Variants in MCC observed in about 807,000 individuals in gnomAD.
MCC encodes the protein colorectal mutant cancer protein.
MCC carries 90 observed loss-of-function variants against 116.2 expected under a neutral mutation model. That is an observed-to-expected ratio of 0.77 (90% CI 0.65 to 0.92). MCC has a LOEUF of 0.92. MCC is among the 40% of genes least tolerant of loss of function. The pLI, the probability that MCC is intolerant of heterozygous loss-of-function variation, is 0.00. For missense variants in MCC, 1,516 were observed against 1,312.2 expected, an observed-to-expected ratio of 1.16 and a Z score of -2.40; for synonymous variants, 578 against 510.5, an observed-to-expected ratio of 1.13 and a Z score of -1.78.
At chr5:113,082,798 G>C (rs947824930) in intron 11 of MCC, 62 bp downstream of exon 11, 2 of 1,577,662 alleles carry the variant, frequency 1.3e-6, no homozygotes, top group African/African-American at 1.3e-5. Flanking sequence ...TCTTTGGAAA[G>C]AGAAGTGAGG....
At chr5:113,314,722 G>T (rs1767237150) in intron 3 of MCC, among the ~76,000 whole-genome samples, 1 of 152,116 alleles carries the variant, frequency 6.6e-6, no homozygotes, top group South Asian at 2.1e-4. Context: ...CGAGTAGCTG[G>T]GACTACAGGC....
chr5:113,171,733 G>A (rs1210196028), intron 3 of MCC, among the ~76,000 whole-genome samples: 4 of 152,044 alleles, frequency 2.6e-5, no homozygotes, highest in African/African-American at 7.2e-5. Context: ...GGTGGTTACC[G>A]GGCAGCCTCC....
At position 113,101,825 on chromosome 5, in the gene MCC, T is replaced by A. The variant is rs1756433421; in HGVS notation, c.1312A>T (p.Met438Leu). The change falls in exon 8 of 19, where the codon ATG becomes TTG. Residue 438 changes from methionine (M) to leucine (L), a missense_variant. Physicochemically the swap from Met to Leu is conservative, Grantham distance 15 (BLOSUM62 2). Coordinates refer to ENST00000408903, the MANE Select transcript of MCC (RefSeq NM_001085377.2). ...AGTTCTTCCTCTTTGCTGCACAGCA[T>A]GGCAGTCAGGCTCTCATTCTCTTCC... Reference protein sequence around the residue: ...LREENESLTAMLCSKEEELNR... With the variant: ...LREENESLTALLCSKEEELNR... 3 of 1,613,544 alleles carry A rather than the reference T, an allele frequency of 1.9e-6. No individual in the cohort carries two copies. In the South Asian group the frequency reaches 3.3e-5, roughly 18 times the overall value.
intron 2 of MCC, among the ~76,000 whole-genome samples, chr5:113,342,454 G>A (rs987025568): frequency 1.3e-5 from 2 of 152,136 alleles, no homozygotes; most frequent in Non-Finnish European, 2.9e-5. Context: ...GTTGATTAGA[G>A]CAGCTAGTAT....
intron 3 of MCC, among the ~76,000 whole-genome samples, chr5:113,178,550 C>A (rs1457066504): frequency 6.6e-6 from 1 of 152,136 alleles, no homozygotes; most frequent in Non-Finnish European, 1.5e-5. Flanking sequence ...GCCACTCAAC[C>A]ACATTTCCTC....
chr5:113,313,952 C>T (rs1767210747), intron 3 of MCC, among the ~76,000 whole-genome samples: 1 of 152,166 alleles, frequency 6.6e-6, no homozygotes, highest in Non-Finnish European at 1.5e-5. Flanking sequence ...TCCCAAGTAG[C>T]TGGGACCACA....
intron 3 of MCC, among the ~76,000 whole-genome samples, chr5:113,181,585 T>C (rs886742992): frequency 3.3e-5 from 5 of 152,140 alleles, no homozygotes; most frequent in African/African-American, 9.7e-5. Flanking sequence ...GTCAGAAAAG[T>C]GGGGTCAAAT....
At chr5:113,308,452 T>C (rs1331699866) in intron 3 of MCC, among the ~76,000 whole-genome samples, 1 of 151,986 alleles carries the variant, frequency 6.6e-6, no homozygotes, top group Non-Finnish European at 1.5e-5. Context: ...AACCAGAGAG[T>C]GCCCACTCCC....
At chr5:113,327,846 A>G (rs1412588021) in intron 3 of MCC, among the ~76,000 whole-genome samples, 1 of 150,598 alleles carries the variant, frequency 6.6e-6, no homozygotes, top group Non-Finnish European at 1.5e-5. Flanking sequence ...TTTTGCACCA[A>G]CCTAACATTA....
intron 3 of MCC, among the ~76,000 whole-genome samples, chr5:113,331,123 A>C (rs1382928665): frequency 6.6e-6 from 1 of 152,218 alleles, no homozygotes; most frequent in Non-Finnish European, 1.5e-5. Flanking sequence ...AACCCCTTAG[A>C]TGCTGAACTG....
chr5:113,416,093 C>T (rs114329666), intron 1 of MCC, among the ~76,000 whole-genome samples: 12 of 152,162 alleles, frequency 7.9e-5, no homozygotes, highest in Admixed American at 2.6e-4. Context: ...TGGATATCAC[C>T]AGCAGAGGCT....
intron 14 of MCC, 45 bp downstream of exon 14, chr5:113,063,939 C>T (rs1753398731): frequency 1.3e-6 from 2 of 1,562,212 alleles, no homozygotes; most frequent in Non-Finnish European, 1.7e-6. Context: ...TGAACAGATG[C>T]CATGTGGACA....
chr5:113,180,949 T>A (rs2150308905), intron 3 of MCC, among the ~76,000 whole-genome samples: 1 of 152,316 alleles, frequency 6.6e-6, no homozygotes, highest in Admixed American at 6.5e-5. Flanking sequence ...TCTTTACAGT[T>A]TAATCTAAAA....
chr5:113,331,783 C>T (rs900462996), intron 3 of MCC, among the ~76,000 whole-genome samples: 2 of 106,700 alleles, frequency 1.9e-5, no homozygotes, highest in Non-Finnish European at 3.7e-5. Context: ...AGTACAGGCA[C>T]CCGCCACCAC....
intron 8 of MCC, among the ~76,000 whole-genome samples, chr5:113,100,376 A>G (rs1175744825): frequency 6.6e-6 from 1 of 152,098 alleles, no homozygotes; most frequent in Non-Finnish European, 1.5e-5. Context: ...GAAGCATAGA[A>G]GAGCAAGTTA....
At chr5:113,420,306 G>T (rs1177603694) in intron 1 of MCC, among the ~76,000 whole-genome samples, 1 of 151,924 alleles carries the variant, frequency 6.6e-6, no homozygotes, top group Non-Finnish European at 1.5e-5. Flanking sequence ...CAAGTTAGAC[G>T]CAAAGAATAA....
chr5:113,250,465 C>A (rs773507479), intron 3 of MCC, among the ~76,000 whole-genome samples: 1 of 152,220 alleles, frequency 6.6e-6, no homozygotes, highest in Non-Finnish European at 1.5e-5. Flanking sequence ...CTTGAGTCAT[C>A]ATCCCAGTGC....
At chr5:113,115,317 G>A (rs1009414970) in intron 6 of MCC, among the ~76,000 whole-genome samples, 1 of 152,284 alleles carries the variant, frequency 6.6e-6, no homozygotes, top group African/African-American at 2.4e-5. Flanking sequence ...CCTGAGAAGC[G>A]AAAGACGCCA....
chr5:113,347,202 G>A (rs955926783), intron 2 of MCC, among the ~76,000 whole-genome samples: 1 of 152,064 alleles, frequency 6.6e-6, no homozygotes, highest in Non-Finnish European at 1.5e-5. Flanking sequence ...TTATAATACT[G>A]CAATTGTGAT....
Sources: allele counts gnomAD v4.1 joint callset (sites outside exome capture counted in the v4.1 genomes callset), GRCh38; gene constraint gnomAD v4.1.1; transcripts MANE v1.5; gene names NCBI Gene and HGNC (gene_info 2026-07-23, HGNC 2026-07-21).